The following ELF1 variants were observed in gnomAD, a reference collection of about 807,000 sequenced individuals.
ELF1 encodes ETS-related transcription factor Elf-1.
ELF1 carries 24 observed loss-of-function variants against 59.9 expected under a neutral mutation model. The ratio of observed to expected loss-of-function variants is 0.40; its 90% CI spans 0.29 to 0.56. ELF1 has a LOEUF of 0.56. ELF1 is among the 20% of genes least tolerant of loss of function. The pLI is 0.44. For synonymous variants in ELF1, 248 were observed against 266.2 expected, an observed-to-expected ratio of 0.93 and a Z score of 0.67; for missense variants, 627 against 742.2, an observed-to-expected ratio of 0.84 and a Z score of 1.80.
intron 1 of ELF1, among the ~76,000 whole-genome samples, chr13:41,003,534 A>G (rs749928079): frequency 1.3e-5 from 2 of 152,188 alleles, no homozygotes; most frequent in Non-Finnish European, 2.9e-5. Flanking sequence ...GATCTAAGCT[A>G]AAGTCCTATT....
chr13:40,969,786 G>C (rs1872412880), intron 2 of ELF1, among the ~76,000 whole-genome samples: 1 of 152,128 alleles, frequency 6.6e-6, no homozygotes, highest in African/African-American at 2.4e-5. Context: ...GCTCACTGTA[G>C]CCTCTACCTC....
chr13:41,020,776 T>G (rs996343878), upstream of ELF1, among the ~76,000 whole-genome samples: 1 of 152,130 alleles, frequency 6.6e-6, no homozygotes, highest in African/African-American at 2.4e-5. Flanking sequence ...CACGGGAGAT[T>G]CACTTGTTCC....
At position 40,959,530 on chromosome 13, in the gene ELF1, G is replaced by A. The variant is rs146043846; in HGVS notation, c.73-514C>T. ...ATAAAATAAATAATAATAATAAGAT[G>A]CCATTAATGCATAAGCATGAACCAA... On this transcript the variant is annotated intron_variant, in intron 2 of 8. Coordinates refer to ENST00000239882, the MANE Select transcript of ELF1 (RefSeq NM_172373.4). 1.9e-3 allele frequency among the ~76,000 whole-genome samples: 295 copies of A among 151,962 alleles called. 3 individuals carry two copies. The East Asian group carries it at 0.037, about 19-fold the overall frequency.
intron 1 of ELF1, among the ~76,000 whole-genome samples, chr13:41,000,030 G>A (rs1246631075): frequency 6.6e-6 from 1 of 152,006 alleles, no homozygotes; most frequent in African/African-American, 2.4e-5. Context: ...TATCTTCTCA[G>A]TATTAAATAT....
intron 2 of ELF1, among the ~76,000 whole-genome samples, chr13:40,981,735 C>CA (rs1873283174): frequency 2.6e-5 from 4 of 151,898 alleles, no homozygotes; most frequent in Admixed American, 1.3e-4. Flanking sequence ...TCTCATTTTA[C>CA]AAAAAAACAA....
At chr13:41,011,894 T>G (rs986433359) in intron 1 of ELF1, among the ~76,000 whole-genome samples, 1 of 152,210 alleles carries the variant, frequency 6.6e-6, no homozygotes, top group Non-Finnish European at 1.5e-5. Context: ...CCCCTGGCTC[T>G]GATGCAAAGT....
intron 1 of ELF1, among the ~76,000 whole-genome samples, chr13:41,043,805 G>A (rs1175125403): frequency 1.3e-5 from 2 of 152,182 alleles, no homozygotes; most frequent in South Asian, 2.1e-4. Context: ...GGTACCATAT[G>A]AACTTTAAAG....
chr13:40,965,115 C>T (rs1179824966), intron 2 of ELF1, among the ~76,000 whole-genome samples: 1 of 152,154 alleles, frequency 6.6e-6, no homozygotes, highest in Non-Finnish European at 1.5e-5. Flanking sequence ...ATAAACTAGT[C>T]TTTTCATTGT....
chr13:41,041,853 T>C (rs1017647027), intron 1 of ELF1, among the ~76,000 whole-genome samples: 1 of 152,098 alleles, frequency 6.6e-6, no homozygotes, highest in Non-Finnish European at 1.5e-5. Flanking sequence ...GAAGTTAGTA[T>C]AGTAACATAC....
chr13:40,948,044 T>C (rs1175078191), intron 5 of ELF1, among the ~76,000 whole-genome samples: 1 of 152,024 alleles, frequency 6.6e-6, no homozygotes, highest in African/African-American at 2.4e-5. Flanking sequence ...TATGAAACAA[T>C]GGTACTGAAG....
chr13:40,969,614 A>C (rs1220680070), intron 2 of ELF1, among the ~76,000 whole-genome samples: 1 of 152,228 alleles, frequency 6.6e-6, no homozygotes, highest in African/African-American at 2.4e-5. Context: ...ATATGTGTGT[A>C]TGCAAATTCT....
intron 1 of ELF1, among the ~76,000 whole-genome samples, chr13:41,035,527 C>A (rs1876338395): frequency 6.6e-6 from 1 of 151,920 alleles, no homozygotes; most frequent in Admixed American, 6.6e-5. Context: ...AATCTAAATT[C>A]TCTGAACAGC....
At chr13:40,978,616 T>C (rs1873065809) in intron 2 of ELF1, among the ~76,000 whole-genome samples, 2 of 152,088 alleles carry the variant, frequency 1.3e-5, no homozygotes, top group Non-Finnish European at 1.5e-5. Context: ...ATGATTCTAA[T>C]GTAGTGACCA....
At position 40,982,148 on chromosome 13, in the gene ELF1, C is replaced by A; in HGVS notation, c.-94G>T. ...CCAGTGACTGATTTGGGTAAAAAAC[C>A]CTCAGCTCTGTCTGTGGAGTAATTG... On this transcript the variant is annotated 5_prime_UTR_variant, in exon 2 of 9. Coordinates refer to ENST00000239882, the MANE Select transcript of ELF1 (RefSeq NM_172373.4). 5 of 1,530,130 alleles carry A rather than the reference C, an allele frequency of 3.3e-6. No homozygotes were observed. The highest frequency in any genetic ancestry group is 4.4e-6 in the Non-Finnish European group (5 of 1,139,768). 94.8% of individuals were successfully genotyped at this position (1,530,130 alleles called of 1,614,324 possible). A position where few individuals can be genotyped will look rare whatever the true frequency, so the allele number is the denominator to read the frequency against.
chr13:41,018,420 CT>C (rs752360142), intron 1 of ELF1, among the ~76,000 whole-genome samples: 24 of 152,272 alleles, frequency 1.6e-4, no homozygotes, highest in Non-Finnish European at 3.5e-4. Context: ...ATACTCATCA[CT>C]TTTTCTTTTT....
At chr13:41,019,525 C>T (rs1263476349), upstream of ELF1, among the ~76,000 whole-genome samples, 1 of 152,022 alleles carries the variant, frequency 6.6e-6, no homozygotes, top group African/African-American at 2.4e-5. Context: ...TATTAATTGC[C>T]ATAATTTAAA....
At chr13:41,046,660 A>G (rs955272459) in intron 1 of ELF1, among the ~76,000 whole-genome samples, 1 of 152,214 alleles carries the variant, frequency 6.6e-6, no homozygotes, top group East Asian at 1.9e-4. Flanking sequence ...ATCTGCTGTT[A>G]GTCTGATGGG....
chr13:41,043,333 C>T (rs1475285784), intron 1 of ELF1, among the ~76,000 whole-genome samples: 4 of 152,140 alleles, frequency 2.6e-5, no homozygotes, highest in Admixed American at 6.5e-5. Context: ...TCAATTTTGG[C>T]TTTTGTTGCC....
intron 1 of ELF1, among the ~76,000 whole-genome samples, chr13:41,056,878 A>G (rs191802024): frequency 1.3e-5 from 2 of 152,334 alleles, no homozygotes; most frequent in Non-Finnish European, 2.9e-5. Context: ...TACAGGGGGA[A>G]TATTCCAGGC....
Sources: allele counts gnomAD v4.1 joint callset (sites outside exome capture counted in the v4.1 genomes callset), GRCh38; gene constraint gnomAD v4.1.1; transcripts MANE v1.5; gene names NCBI Gene and HGNC (gene_info 2026-07-23, HGNC 2026-07-21).